FNTB: variants seen among roughly 807,000 people sequenced by gnomAD.
FNTB encodes protein farnesyltransferase subunit beta.
A neutral mutation model predicts 59.4 loss-of-function variants in FNTB; 27 were observed. That is an observed-to-expected ratio of 0.45 (90% CI 0.34 to 0.63). The LOEUF (loss-of-function observed/expected upper bound fraction) is 0.63, where lower values mean the gene tolerates loss of function less well. FNTB is among the 20% of genes least tolerant of loss of function. The pLI is 0.02. For missense variants in FNTB, 449 were observed against 559.6 expected (o/e 0.80, Z 1.99); for synonymous variants, 230 against 220.7 (o/e 1.04, Z -0.37).
chr14:65,046,994 A>T (rs2062497785), intron 9 of FNTB, among the ~76,000 whole-genome samples: 1 of 152,216 alleles, frequency 6.6e-6, no homozygotes, highest in African/African-American at 2.4e-5. Context: ...ATAACAAGTG[A>T]TGAATGGCTA....
rs1879546347 is a variant in FNTB, at chr14:65,007,897, C to T, written c.209+3584C>T. ...CAGAAGTGAGAAATATTGATAATGT[C>T]CCTGTGCTAATAGAGCCCTGGAGGT... On this transcript the variant is annotated intron_variant, in intron 2 of 11. Coordinates refer to ENST00000246166, the MANE Select transcript of FNTB (RefSeq NM_002028.4). This position sits in a 1 kb window ranked among gnomAD's most constrained non-coding sequence, Gnocchi z 4.9. Among the ~76,000 whole-genome samples the T allele has an allele frequency of 6.6e-6, 1 of 152,176 alleles. No homozygotes were observed. The highest frequency in any genetic ancestry group is 6.5e-5 in the Admixed American group (1 of 15,282).
intron 4 of FNTB, among the ~76,000 whole-genome samples, chr14:65,017,743 G>A (rs1381189515): frequency 2.0e-5 from 3 of 151,996 alleles, no homozygotes; most frequent in Admixed American, 6.6e-5. Flanking sequence ...ATCACTTGAG[G>A]TCAGGAGTTT....
intron 7 of FNTB, among the ~76,000 whole-genome samples, chr14:65,037,726 CTTATTTATTTATTTA>C (rs1368546782): frequency 1.3e-4 from 15 of 117,544 alleles, no homozygotes; most frequent in Middle Eastern, 4.3e-3. Context: ...TGCCCAGCCT[CTTATTTATTTATTTA>C]TTATTTATTT....
Position 64,997,601 on chromosome 14 carries a change from C to T in FNTB, c.145-6648C>T, listed in dbSNP as rs551417389. ...CAGCAAGCTGGAAGAACCCGTTGGG[C>T]GGTTACAAAATGAGTAAATCTCAAA... On this transcript the variant is annotated intron_variant, in intron 1 of 11. Coordinates refer to ENST00000246166, the MANE Select transcript of FNTB (RefSeq NM_002028.4). The surrounding 1 kb of genome is among the most constrained non-coding windows in gnomAD (Gnocchi z 4.5). 7.3e-4 allele frequency among the ~76,000 whole-genome samples: 111 copies of T among 152,258 alleles called. 2 individuals are homozygous for T. The highest frequency in any genetic ancestry group is 6.7e-3 in the Admixed American group (102 of 15,290).
chr14:65,059,927 G>A lies in FNTB; in HGVS notation c.1183-1254G>A, dbSNP rs1287518924. ...TGGCTCACTGCAACCTCCGCCTCCC[G>A]GGTTCAAGCAATTCTCCTGCTTCAG... On this transcript the variant is annotated intron_variant, in intron 11 of 11. Transcript: ENST00000246166. 2.7e-5 allele frequency among the ~76,000 whole-genome samples: 4 copies of A among 147,784 alleles called. No individual in the cohort carries two copies. The South Asian group carries it at 6.5e-4, about 24-fold the overall frequency.
intron 7 of FNTB, among the ~76,000 whole-genome samples, chr14:65,040,479 C>G (rs1230333839): frequency 1.3e-5 from 2 of 151,920 alleles, no homozygotes; most frequent in Non-Finnish European, 2.9e-5. Context: ...CTCACTCTTT[C>G]ACCCGGGCTG....
Position 65,031,252 on chromosome 14 carries a change from G to A in FNTB, c.606-1358G>A, listed in dbSNP as rs749355877. Among the ~76,000 whole-genome samples the A allele has an allele frequency of 6.6e-6, 1 of 152,066 alleles. No homozygotes were observed. Among genetic ancestry groups the A allele is most frequent in the African/African-American group, 2.4e-5 (1 of 41,410 alleles). ...GAGAAGCTGAAATAAAATGTGCCCCGAGAAGAATTAGGGCTGGGAGGATGG... is the reference window on the plus strand; with the variant it reads ...GAGAAGCTGAAATAAAATGTGCCCCAAGAAGAATTAGGGCTGGGAGGATGG... On this transcript the variant is annotated intron_variant, in intron 6 of 11. Transcript: ENST00000246166. This position sits in a 1 kb window ranked among gnomAD's most constrained non-coding sequence, Gnocchi z 4.6.
At chr14:65,006,373 CT>C in intron 2 of FNTB, 7 of 1,544,034 alleles carry the variant, frequency 4.5e-6, no homozygotes, top group Non-Finnish European at 6.1e-6. Flanking sequence ...ACCCAATGCT[CT>C]GACCTCAATA....
chr14:65,046,795 G>A (rs575762975), intron 9 of FNTB, among the ~76,000 whole-genome samples: 34 of 152,254 alleles, frequency 2.2e-4, no homozygotes, highest in Admixed American at 3.3e-4. Context: ...TTAGTGAAGA[G>A]TTGACTACAA....
chr14:65,056,694 C>T (rs745377453), intron 11 of FNTB, among the ~76,000 whole-genome samples: 28 of 152,070 alleles, frequency 1.8e-4, no homozygotes, highest in Non-Finnish European at 3.8e-4. Flanking sequence ...GTTGTTTTCC[C>T]TTAAGTATTT....
rs1289661889 is a variant in FNTB, at chr14:64,992,000, T to C, written c.144+4903T>C. Among the ~76,000 whole-genome samples the C allele has an allele frequency of 6.6e-6, 1 of 152,162 alleles. No homozygotes were observed. On this transcript the variant is annotated intron_variant, in intron 1 of 11. Coordinates refer to ENST00000246166, the MANE Select transcript of FNTB (RefSeq NM_002028.4). The surrounding 1 kb of genome is among the most constrained non-coding windows in gnomAD (Gnocchi z 4.4). ...CTAAGGAGGGACCAGCGGAACAGAA[T>C]CCTGACCTGCTGTTGACTTATTTCA...
chr14:65,033,505 C>T (rs760049745), intron 7 of FNTB, among the ~76,000 whole-genome samples: 3 of 152,128 alleles, frequency 2.0e-5, no homozygotes, highest in African/African-American at 4.8e-5. Flanking sequence ...GTCTTAGATA[C>T]GTGTATGTTC....
rs1417698855 is a variant in FNTB at position 65,031,703 on chromosome 14, T to G, written c.606-907T>G. Among the ~76,000 whole-genome samples the G allele has an allele frequency of 6.6e-6, 1 of 152,112 alleles. No individual in the cohort carries two copies. Among genetic ancestry groups the G allele is most frequent in the Non-Finnish European group, 1.5e-5 (1 of 68,018 alleles). On this transcript the variant is annotated intron_variant, in intron 6 of 11. Coordinates refer to ENST00000246166, the MANE Select transcript of FNTB (RefSeq NM_002028.4). This position sits in a 1 kb window ranked among gnomAD's most constrained non-coding sequence, Gnocchi z 4.6. ...TGGGAGGCCAAGGCAGGTGGATTGCTTGAGGTCAGGAGTTTGAAACCAGCC... is the reference window on the plus strand; with the variant it reads ...TGGGAGGCCAAGGCAGGTGGATTGCGTGAGGTCAGGAGTTTGAAACCAGCC...
rs762566313 is a variant in FNTB, at chr14:65,001,376, G to A, written c.145-2873G>A. ...TTCAGTACAGTAATATGCTGTACAG[G>A]TCTGTGGCCCAGGAGCAGTAGGCCA... On this transcript the variant is annotated intron_variant, in intron 1 of 11. Coordinates refer to ENST00000246166, the MANE Select transcript of FNTB (RefSeq NM_002028.4). This position sits in a 1 kb window ranked among gnomAD's most constrained non-coding sequence, Gnocchi z 5.5. 3.3e-5 allele frequency among the ~76,000 whole-genome samples: 5 copies of A among 152,116 alleles called. No individual in the cohort carries two copies. Among genetic ancestry groups the A allele is most frequent in the Non-Finnish European group, 7.3e-5 (5 of 68,034 alleles).
rs893091430 is a variant in FNTB, at chr14:65,032,615, C to T, written c.611C>T (p.Ala204Val). Residue 204 changes from alanine to valine, a missense_variant, in exon 7 of 12, where the codon GCA (alanine) becomes GTA (valine). By Grantham distance (64) the Ala-to-Val change is moderately conservative (BLOSUM62 0). Transcript: ENST00000246166. The surrounding 1 kb of genome is among the most constrained non-coding windows in gnomAD (Gnocchi z 5.0). ...HVGGEVDVRS[A>V]YCAASVASLT... The stretch of plus-strand genomic sequence containing the variant: ...TCCCGTTTCTGTCTTTCCAGAAGCG[C>T]ATACTGTGCTGCCTCCGTAGCCTCG... 6.2e-7 allele frequency: 1 copy of T among 1,613,690 alleles called. No homozygotes were observed. The highest frequency in any genetic ancestry group is 1.3e-5 in the African/African-American group (1 of 74,944).
At position 64,989,304 on chromosome 14, in the gene FNTB, C is replaced by T. The variant is rs367605352; in HGVS notation, c.144+2207C>T. Among the ~76,000 whole-genome samples, 250 of 143,760 alleles carry T rather than the reference C, an allele frequency of 1.7e-3. 3 individuals are homozygous for T. Among genetic ancestry groups the T allele is most frequent in the African/African-American group, 6.2e-3 (239 of 38,260 alleles). The allele number at this position is 143,760 out of a possible 152,430, so 94.3% of individuals were successfully genotyped here. The stretch of plus-strand genomic sequence containing the variant: ...AAAAAAAAAAAAAAAAGTAGCTGAG[C>T]GTGGTGGCATGCACCTGTAGTCCCA... On this transcript the variant is annotated intron_variant, in intron 1 of 11. Coordinates refer to ENST00000246166, the MANE Select transcript of FNTB (RefSeq NM_002028.4).
chr14:64,988,954 A>G (rs769713969), intron 1 of FNTB, among the ~76,000 whole-genome samples: 3 of 152,110 alleles, frequency 2.0e-5, no homozygotes, highest in Non-Finnish European at 4.4e-5. Context: ...AATGCTCTCC[A>G]TATGTGGTAT....
rs985234293 is a variant in FNTB at position 64,990,657 on chromosome 14, T to C, written c.144+3560T>C. Among the ~76,000 whole-genome samples the C allele has an allele frequency of 6.6e-6, 1 of 152,178 alleles. No individual in the cohort carries two copies. The highest frequency in any genetic ancestry group is 2.4e-5 in the African/African-American group (1 of 41,442). On this transcript the variant is annotated intron_variant, in intron 1 of 11. Transcript: ENST00000246166. The surrounding 1 kb of genome is among the most constrained non-coding windows in gnomAD (Gnocchi z 5.2). Reference sequence around the variant, plus strand: ...AATCACCCACTTTGTGCCATCTGTTTCCTGCCAGGACTTAGACTGATCCAT... The same window carrying C: ...AATCACCCACTTTGTGCCATCTGTTCCCTGCCAGGACTTAGACTGATCCAT...
chr14:65,039,003 C>T (rs1231577388), intron 7 of FNTB, among the ~76,000 whole-genome samples: 1 of 152,106 alleles, frequency 6.6e-6, no homozygotes, highest in East Asian at 1.9e-4. Flanking sequence ...CTTTTGCTCC[C>T]TGTCTTATTT....
Sources: gnomAD v4.1 joint callset for allele counts (sites outside exome capture counted in the v4.1 genomes callset) on GRCh38, gnomAD v4.1.1 for gene constraint, Gnocchi (gnomAD v3.1) non-coding constraint, MANE v1.5 for transcripts, NCBI Gene and HGNC (gene_info 2026-07-23, HGNC 2026-07-21) for gene names.